GBE1: variants seen among roughly 807,000 people sequenced by gnomAD.
GBE1 encodes the protein 1,4-alpha-glucan-branching enzyme.
In GBE1, 70 loss-of-function variants were observed where a neutral mutation model predicts 88.8. The observed-to-expected ratio is 0.79, with a 90% CI of 0.65 to 0.96. GBE1 has a LOEUF of 0.96. GBE1 is among the 40% of genes least tolerant of loss of function. The probability of loss-of-function intolerance (pLI) is 0.00; values close to 1 mark genes in which losing one functional copy is unlikely to be tolerated. For synonymous variants in GBE1, 284 were observed against 300.1 expected (o/e 0.95, Z 0.56); for missense variants, 872 against 871.0 (o/e 1.00, Z -0.01).
At chr3:81,697,758 A>T (rs1705622185) in intron 2 of GBE1, among the ~76,000 whole-genome samples, 1 of 151,974 alleles carries the variant, frequency 6.6e-6, no homozygotes, top group Non-Finnish European at 1.5e-5. Flanking sequence ...TAACAACCAC[A>T]ATCAGAAAGG....
At position 81,578,114 on chromosome 3, in the gene GBE1, A is replaced by G. The variant is rs1703673901; in HGVS notation, c.1447-18T>C. 1.9e-6 allele frequency: 3 copies of G among 1,548,006 alleles called. No homozygotes were observed. The highest frequency in any genetic ancestry group is 2.6e-6 in the Non-Finnish European group (3 of 1,149,086). On this transcript the variant is annotated intron_variant, in intron 11 of 15. Coordinates refer to ENST00000429644, the MANE Select transcript of GBE1 (RefSeq NM_000158.4). ...ACCAATGCCTACAGAAATAAAAGTA[A>G]TGGAGATAAATGAAAAAAAAAAGTG...
intron 12 of GBE1, among the ~76,000 whole-genome samples, chr3:81,562,968 C>A (rs750912611): frequency 6.6e-6 from 1 of 150,652 alleles, no homozygotes; most frequent in East Asian, 1.9e-4. Context: ...CTTTTAAACT[C>A]CTAGTCTCCT....
At chr3:81,714,176 T>C (rs1190852376) in intron 1 of GBE1, among the ~76,000 whole-genome samples, 2 of 152,206 alleles carry the variant, frequency 1.3e-5, no homozygotes, top group Non-Finnish European at 2.9e-5. Flanking sequence ...CCTGATGTCT[T>C]CCTAGTACAT....
intron 2 of GBE1, among the ~76,000 whole-genome samples, chr3:81,679,372 T>C (rs568237029): frequency 6.6e-6 from 1 of 152,360 alleles, no homozygotes; most frequent in East Asian, 1.9e-4. Flanking sequence ...CAACCACCCA[T>C]AACCTCATCA....
chr3:81,592,673 G>T (rs562751964), intron 8 of GBE1, among the ~76,000 whole-genome samples: 21 of 151,320 alleles, frequency 1.4e-4, no homozygotes, highest in African/African-American at 4.8e-4. Context: ...TCTATAAAAA[G>T]CACATCCCAT....
intron 4 of GBE1, among the ~76,000 whole-genome samples, 181 bp from the exon 5 acceptor site, chr3:81,649,172 A>G (rs1357362944): frequency 6.6e-6 from 1 of 152,136 alleles, no homozygotes; most frequent in Admixed American, 6.5e-5. Flanking sequence ...TGGTCCTGCT[A>G]GTGGACCTAT....
intron 2 of GBE1, among the ~76,000 whole-genome samples, chr3:81,675,710 T>C (rs193158210): frequency 2.0e-5 from 3 of 152,232 alleles, no homozygotes; most frequent in Admixed American, 1.3e-4. Flanking sequence ...ATAACCTAGA[T>C]ATTGCTAGGC....
chr3:81,505,935 T>A (rs1034868184), intron 14 of GBE1, among the ~76,000 whole-genome samples: 3 of 152,056 alleles, frequency 2.0e-5, no homozygotes, highest in African/African-American at 7.2e-5. Context: ...TCAAGATGGA[T>A]TAAAGACTTA....
intron 1 of GBE1, among the ~76,000 whole-genome samples, chr3:81,741,801 C>G (rs1381589130): frequency 1.4e-5 from 2 of 147,694 alleles, no homozygotes; most frequent in Non-Finnish European, 3.0e-5. Flanking sequence ...GAGTATTATA[C>G]TCTACATAAT....
At chr3:81,691,606 C>T (rs556076232) in intron 2 of GBE1, among the ~76,000 whole-genome samples, 3 of 151,972 alleles carry the variant, frequency 2.0e-5, no homozygotes, top group African/African-American at 4.8e-5. Flanking sequence ...CCAAGACACT[C>T]CTCTCTATAA....
intron 7 of GBE1, among the ~76,000 whole-genome samples, chr3:81,618,384 C>T (rs974063508): frequency 6.6e-6 from 1 of 152,036 alleles, no homozygotes; most frequent in African/African-American, 2.4e-5. Context: ...TAAGTACTCA[C>T]AAATTGTTTT....
chr3:81,613,141 C>A, intron 7 of GBE1: 2 of 324,496 alleles, frequency 6.2e-6, no homozygotes, highest in Non-Finnish European at 1.1e-5. Context: ...TGGGAGCAAG[C>A]TGCAGTCTTT....
rs1315921716 is a variant in GBE1, at chr3:81,584,570, G to A, written c.1335+1522C>T. Among the ~76,000 whole-genome samples the A allele has an allele frequency of 3.3e-5, 5 of 152,076 alleles. No homozygotes were observed. In the East Asian group the frequency reaches 5.8e-4, roughly 18 times the overall value. ...GAATTTTAAATAATTACATAAAATA[G>A]AAGATGATAACTGCTTTCAGAGAAT... On this transcript the variant is annotated intron_variant, in intron 10 of 15. Transcript: ENST00000429644.
At chr3:81,609,636 T>C (rs1309392560) in intron 7 of GBE1, among the ~76,000 whole-genome samples, 1 of 152,154 alleles carries the variant, frequency 6.6e-6, no homozygotes, top group Non-Finnish European at 1.5e-5. Flanking sequence ...ATTAGTGAAG[T>C]TAATAAAGCT....
At chr3:81,730,549 C>A (rs564079996) in intron 1 of GBE1, among the ~76,000 whole-genome samples, 244 of 152,282 alleles carry the variant, frequency 1.6e-3, no homozygotes, top group African/African-American at 5.7e-3. Flanking sequence ...GCTAACACTA[C>A]TGTGTGGCCA....
At chr3:81,689,375 C>T (rs1237038083) in intron 2 of GBE1, among the ~76,000 whole-genome samples, 1 of 152,222 alleles carries the variant, frequency 6.6e-6, no homozygotes, top group Non-Finnish European at 1.5e-5. Flanking sequence ...GGAGGCTTAA[C>T]ATGTTCAAGA....
intron 12 of GBE1, among the ~76,000 whole-genome samples, chr3:81,565,896 A>G (rs1703488536): frequency 6.6e-6 from 1 of 152,228 alleles, no homozygotes; most frequent in African/African-American, 2.4e-5. Flanking sequence ...CATTTTGTAT[A>G]TATTTGTATA....
At chr3:81,563,895 G>A (rs1576150722) in intron 12 of GBE1, among the ~76,000 whole-genome samples, 1 of 142,780 alleles carries the variant, frequency 7.0e-6, no homozygotes, top group Non-Finnish European at 1.5e-5. Context: ...GGGAGGGAGA[G>A]ACGGAGAAAG....
intron 14 of GBE1, among the ~76,000 whole-genome samples, chr3:81,503,792 A>G (rs1371006946): frequency 2.0e-5 from 3 of 152,262 alleles, no homozygotes; most frequent in South Asian, 4.1e-4. Context: ...GTTTTCATAT[A>G]CAGTTTCTTG....
Sources: allele counts gnomAD v4.1 joint callset (sites outside exome capture counted in the v4.1 genomes callset), GRCh38; gene constraint gnomAD v4.1.1; transcripts MANE v1.5; gene names NCBI Gene and HGNC (gene_info 2026-07-23, HGNC 2026-07-21).